The following IARS2 variants were observed in gnomAD, a reference collection of about 807,000 sequenced individuals.
IARS2 encodes isoleucine--tRNA ligase, mitochondrial.
A neutral mutation model predicts 126.3 loss-of-function variants in IARS2; 56 were observed. That is an observed-to-expected ratio of 0.44 (90% confidence interval 0.36 to 0.55). The LOEUF is 0.55. Among genes scored for constraint, IARS2 ranks in the 20% least tolerant of loss-of-function variants. IARS2 has a pLI of 0.00. For synonymous variants in IARS2, 407 were observed against 441.1 expected (o/e 0.92, Z 0.97); for missense variants, 1,127 against 1,245.9 (o/e 0.90, Z 1.44).
chr1:220,115,645 C>T (rs1025062766), intron 12 of IARS2, among the ~76,000 whole-genome samples: 2 of 152,002 alleles, frequency 1.3e-5, no homozygotes, highest in African/African-American at 2.4e-5. Context: ...ATAATTGTGT[C>T]TTAGAATAAT....
rs554094829 is a variant in IARS2 at position 220,119,030 on chromosome 1, A to G, written c.1640+4556A>G. On this transcript the variant is annotated intron_variant, in intron 12 of 22. Transcript: ENST00000366922. ...TTACAGAAGAAAAGTTGTCTTAATA[A>G]TCTTCAATATTTTTGCTTATAAAGG... Among the ~76,000 whole-genome samples, 13 of 152,272 alleles carry G rather than the reference A, an allele frequency of 8.5e-5. No homozygotes were observed. The East Asian group carries it at 1.9e-3, about 23-fold the overall frequency.
chr1:220,114,941 CTT>C (rs5781165), intron 12 of IARS2, among the ~76,000 whole-genome samples: 20 of 143,982 alleles, frequency 1.4e-4, no homozygotes, highest in East Asian at 2.0e-4. Flanking sequence ...CAGTTTTTCC[CTT>C]TTTTTTTTTT....
chr1:220,109,928 C>A (rs1165498761), intron 10 of IARS2, among the ~76,000 whole-genome samples: 1 of 152,184 alleles, frequency 6.6e-6, no homozygotes, highest in Non-Finnish European at 1.5e-5. Flanking sequence ...TTCATCTTTT[C>A]TTTGACGTGA....
intron 2 of IARS2, among the ~76,000 whole-genome samples, chr1:220,098,899 G>A (rs543744301): frequency 1.6e-4 from 25 of 152,164 alleles, no homozygotes; most frequent in African/African-American, 5.1e-4. Context: ...ATGACTGAAA[G>A]CAACACTATT....
intron 3 of IARS2, 51 bp downstream of exon 3, chr1:220,100,700 C>T (rs1656553610): frequency 1.4e-6 from 2 of 1,419,480 alleles, no homozygotes; most frequent in Admixed American, 2.0e-5. Context: ...ACACTCAGGT[C>T]CTTGAAATAG....
chr1:220,137,767 G>C, intron 16 of IARS2, 151 bp from the exon 17 acceptor site: 1 of 765,142 alleles, frequency 1.3e-6, no homozygotes, highest in Non-Finnish European at 2.1e-6. Flanking sequence ...TCTAATTTGA[G>C]ATTGTTAGCC....
intron 20 of IARS2, among the ~76,000 whole-genome samples, chr1:220,142,620 A>G (rs1045118657): frequency 6.6e-6 from 1 of 152,210 alleles, no homozygotes; most frequent in African/African-American, 2.4e-5. Flanking sequence ...AAACTATAGA[A>G]GTGTAGGAAG....
chr1:220,100,638 T>G lies in IARS2; in HGVS notation c.539T>G (p.Ile180Ser). 6.2e-7 allele frequency: 1 copy of G among 1,606,532 alleles called. No individual in the cohort carries two copies. Among genetic ancestry groups the G allele is most frequent in the Non-Finnish European group, 8.5e-7 (1 of 1,174,706 alleles). The change falls in exon 3 of 23, where the codon ATT (isoleucine) becomes AGT (serine). Residue 180 changes from isoleucine (I) to serine (S), a missense_variant. Ile to Ser is a moderately radical substitution (Grantham distance 142). Coordinates refer to ENST00000366922, the MANE Select transcript of IARS2 (RefSeq NM_018060.4). ...GCTCAGAATCTTTCAGCTATGGAAA[T>G]TAGAAAGAAAGGTAAATAATCTGTA... ...REAQNLSAME[I>S]RKKARSFAKA...
chr1:220,136,892 T>A lies in IARS2; in HGVS notation c.2030T>A (p.Val677Asp), dbSNP rs142127832. Residue 677 changes from valine to aspartate, a missense_variant, in exon 16 of 23, where the codon GTT (valine) becomes GAT (aspartate). By Grantham distance (152) the Val-to-Asp change is radical. Coordinates refer to ENST00000366922, the MANE Select transcript of IARS2 (RefSeq NM_018060.4). ...KSLGNVIHPD[V>D]VVNGGQDQSK... Reference sequence around the variant, plus strand: ...CTTGGGAATGTCATTCATCCTGATGTTGTCGTTAATGGAGGACAAGTAGGT... The same window carrying A: ...CTTGGGAATGTCATTCATCCTGATGATGTCGTTAATGGAGGACAAGTAGGT... The A allele has an allele frequency of 2.5e-6, 4 of 1,603,362 alleles. No homozygotes were observed. Among genetic ancestry groups the A allele is most frequent in the Non-Finnish European group, 3.4e-6 (4 of 1,172,280 alleles).
At chr1:220,132,225 C>T (rs1657285057) in intron 14 of IARS2, among the ~76,000 whole-genome samples, 1 of 152,136 alleles carries the variant, frequency 6.6e-6, no homozygotes, top group Non-Finnish European at 1.5e-5. Flanking sequence ...GAGTTTCCTC[C>T]TCTTCGATGC....
At chr1:220,106,614 CCTTTT>C (rs1173706457) in intron 9 of IARS2, among the ~76,000 whole-genome samples, 5 of 150,550 alleles carry the variant, frequency 3.3e-5, no homozygotes, top group South Asian at 2.1e-4. Context: ...ATTCCTATTT[CCTTTT>C]CTTTTCTTTT....
At chr1:220,140,422 T>TA in intron 19 of IARS2, 133 bp downstream of exon 19, 1 of 574,382 alleles carries the variant, frequency 1.7e-6, no homozygotes, top group Non-Finnish European at 3.1e-6. Flanking sequence ...TATGGCAAAA[T>TA]ACAAAAATTA....
rs781507223 is a variant in IARS2 at position 220,103,554 on chromosome 1, C to A, written c.1058C>A (p.Thr353Lys). The A allele has an allele frequency of 6.3e-7, 1 of 1,596,668 alleles. No individual in the cohort carries two copies. The highest frequency in any genetic ancestry group is 1.1e-5 in the South Asian group (1 of 90,634). The change falls in exon 8 of 23, where the codon ACA becomes AAA. Residue 353 changes from threonine (T) to lysine (K), a missense_variant. Thr to Lys is a moderately conservative substitution (Grantham distance 78). Coordinates refer to ENST00000366922, the MANE Select transcript of IARS2 (RefSeq NM_018060.4). ...TLETTFETIS[T>K]LSGVDLENGT... ...GAAACAACATTTGAGACTATTTCAA[C>A]ACTTTCAGGTGAAGATTTTTAGATA...
At chr1:220,120,381 C>CT (rs545771444) in intron 12 of IARS2, among the ~76,000 whole-genome samples, 11,358 of 137,464 alleles carry the variant, frequency 0.083, 514 homozygotes, top group East Asian at 0.12. Context: ...CGCGCCCGGC[C>CT]TTTTTTTTTT....
chr1:220,136,469 G>A (rs1391773584), intron 15 of IARS2, among the ~76,000 whole-genome samples: 1 of 151,990 alleles, frequency 6.6e-6, no homozygotes. Context: ...GCCGGGCAGG[G>A]TGGCTCATAC....
rs184064461 is a variant in IARS2, at chr1:220,109,685, G to A, written c.1328-1101G>A. Among the ~76,000 whole-genome samples the A allele has an allele frequency of 2.6e-4, 40 of 152,246 alleles. No homozygotes were observed. In the East Asian group the frequency reaches 5.2e-3, roughly 20 times the overall value. On this transcript the variant is annotated intron_variant, in intron 10 of 22. Coordinates refer to ENST00000366922, the MANE Select transcript of IARS2 (RefSeq NM_018060.4). ...TAATCTTCTTTCTATCCTCCTCTAAGAACACCAGTGCTCCCTAATGCAGTG... is the reference window on the plus strand; with the variant it reads ...TAATCTTCTTTCTATCCTCCTCTAAAAACACCAGTGCTCCCTAATGCAGTG...
chr1:220,109,148 C>G (rs2102821959), intron 10 of IARS2, among the ~76,000 whole-genome samples: 1 of 152,146 alleles, frequency 6.6e-6, no homozygotes. Context: ...CCCCTGTAAT[C>G]CCAGCGCTTT....
Position 220,125,234 on chromosome 1 carries a change from T to C in IARS2, c.1641-3T>C. Reference sequence around the variant, plus strand: ...TAATTCTGCCATGTCCCCCCTGAAATAGCCAAACCACTGAGCATATTGTTA... The same window carrying C: ...TAATTCTGCCATGTCCCCCCTGAAACAGCCAAACCACTGAGCATATTGTTA... On this transcript the variant is annotated splice_region_variant and splice_polypyrimidine_tract_variant and intron_variant, in intron 12 of 22. Transcript: ENST00000366922. 1 of 1,591,110 alleles carries C rather than the reference T, an allele frequency of 6.3e-7. No individual in the cohort carries two copies. Among genetic ancestry groups the C allele is most frequent in the South Asian group, 1.1e-5 (1 of 88,514 alleles).
rs968171487 is a variant in IARS2 at position 220,094,492 on chromosome 1, C to T, written c.267+9C>T. ...AGCTGGAGATCCAGCAGGTACGGGC[C>T]CCGCCTCGGCGCGGGGCCTCCAGAG... is the stretch of plus-strand genomic sequence containing the variant. On this transcript the variant is annotated intron_variant, in intron 1 of 22. Transcript: ENST00000366922. 1.3e-6 allele frequency: 2 copies of T among 1,581,548 alleles called. No individual in the cohort carries two copies. The highest frequency in any genetic ancestry group is 1.7e-6 in the Non-Finnish European group (2 of 1,166,116).
Sources: gnomAD v4.1 joint callset for allele counts (sites outside exome capture counted in the v4.1 genomes callset) on GRCh38, gnomAD v4.1.1 for gene constraint, MANE v1.5 for transcripts, NCBI Gene and HGNC (gene_info 2026-07-23, HGNC 2026-07-21) for gene names.